The following TRPM8 variants were observed in gnomAD, a reference collection of about 807,000 sequenced individuals.
TRPM8 encodes the protein transient receptor potential cation channel subfamily M member 8.
A neutral mutation model predicts 133.7 loss-of-function variants in TRPM8; 110 were observed. That is an observed-to-expected ratio of 0.82 (90% CI 0.70 to 0.96). The LOEUF is 0.96. Among genes scored for constraint, TRPM8 ranks in the 40% least tolerant of loss-of-function variants. The pLI is 0.00. For missense variants in TRPM8, 1,291 were observed against 1,379.5 expected (o/e 0.94, Z 1.02); for synonymous variants, 535 against 532.3 (o/e 1.01, Z -0.07).
At position 233,996,496 on chromosome 2, in the gene TRPM8, A is replaced by G. The variant is rs377197483; in HGVS notation, c.3110A>G (p.Asn1037Ser). Residue 1037 changes from asparagine (N) to serine (S), a missense_variant, in exon 22 of 26, where the codon AAC (asparagine) becomes AGC (serine). Asn to Ser is a conservative substitution (Grantham distance 46, BLOSUM62 1). Around this residue, in one of 2 missense-constraint regions of TRPM8, gnomAD observed 328 missense variants for 410.6 expected, o/e 0.80. Coordinates refer to ENST00000324695, the MANE Select transcript of TRPM8 (RefSeq NM_024080.5). Reference protein sequence around the residue: ...KCFKCCCKEKNMESSVCCFKN... With the variant: ...KCFKCCCKEKSMESSVCCFKN... ...TTCAAGTGTTGCTGCAAGGAGAAAA[A>G]CATGGAGTCTTCTGTCTGCTGTGAG... is the stretch of plus-strand genomic sequence containing the variant. The G allele has an allele frequency of 6.2e-7, 1 of 1,614,048 alleles. No individual in the cohort carries two copies. The highest frequency in any genetic ancestry group is 8.5e-7 in the Non-Finnish European group (1 of 1,180,042).
At chr2:233,943,065 A>ATTT in intron 6 of TRPM8, 1 of 243,092 alleles carries the variant, frequency 4.1e-6, no homozygotes, top group Non-Finnish European at 7.1e-6. Context: ...CAACTGCAGT[A>ATTT]TCTTTTTTTT....
rs1157682971 is a variant in TRPM8 at position 233,974,236 on chromosome 2, TTTG to T, written c.2355+3816_2355+3818del. Among the ~76,000 whole-genome samples, 91 of 152,186 alleles carry T rather than the reference TTTG, an allele frequency of 6.0e-4. 1 individual carries two copies. Among genetic ancestry groups the T allele is most frequent in the African/African-American group, 2.1e-3 (87 of 41,532 alleles). On this transcript the variant is annotated intron_variant, in intron 17 of 25. Coordinates refer to ENST00000324695, the MANE Select transcript of TRPM8 (RefSeq NM_024080.5). Reference sequence around the variant, plus strand: ...CAAATTTTTTTTGTTTTTTAGTTTTTTTGTTGTTTTTTTTTGAGACTGTATCTT... The same window carrying T: ...CAAATTTTTTTTGTTTTTTAGTTTTTTTGTTTTTTTTTGAGACTGTATCTT...
intron 3 of TRPM8, among the ~76,000 whole-genome samples, chr2:233,934,202 A>G (rs1040257287): frequency 8.7e-4 from 132 of 152,220 alleles, no homozygotes; most frequent in African/African-American, 3.1e-3. Flanking sequence ...AGAAACGGTG[A>G]CTGATGAGGG....
At chr2:234,015,289 G>A (rs1015592205) in intron 25 of TRPM8, among the ~76,000 whole-genome samples, 1 of 151,066 alleles carries the variant, frequency 6.6e-6, no homozygotes, top group East Asian at 1.9e-4. Context: ...GAAACCAAAT[G>A]TTAGGAATGT....
intron 17 of TRPM8, among the ~76,000 whole-genome samples, chr2:233,975,370 C>A (rs147453193): frequency 6.6e-6 from 1 of 152,196 alleles, no homozygotes. Flanking sequence ...CACAGCCCCA[C>A]AGCCAGGAGC....
At chr2:233,974,720 C>T (rs1026423925) in intron 17 of TRPM8, among the ~76,000 whole-genome samples, 2 of 152,116 alleles carry the variant, frequency 1.3e-5, no homozygotes, top group African/African-American at 2.4e-5. Flanking sequence ...GCAGAGTTTG[C>T]TGGAAGAGGC....
At chr2:234,004,602 T>C (rs539447322) in intron 22 of TRPM8, among the ~76,000 whole-genome samples, 1 of 152,380 alleles carries the variant, frequency 6.6e-6, no homozygotes, top group East Asian at 1.9e-4. Flanking sequence ...TTTGGTACTT[T>C]TTTTGGTGAC....
chr2:233,941,889 T>G (rs1690912708), intron 5 of TRPM8, among the ~76,000 whole-genome samples: 2 of 152,052 alleles, frequency 1.3e-5, no homozygotes, highest in South Asian at 2.1e-4. Flanking sequence ...CCAACCAATA[T>G]GGGGGTCCAG....
chr2:233,972,765 C>G (rs886145146), intron 17 of TRPM8, among the ~76,000 whole-genome samples: 4 of 152,184 alleles, frequency 2.6e-5, no homozygotes, highest in African/African-American at 9.6e-5. Context: ...GCTCCCAGTG[C>G]GGGGCCCGCC....
Position 233,919,526 on chromosome 2 carries a change from C to T in TRPM8, c.-6+2094C>T, listed in dbSNP as rs558338701. ...TAGCTGTGTGACTTTGGGAAAGTTA[C>T]CTAACCTCTCTGTGCCTTGGTTTGT... On this transcript the variant is annotated intron_variant, in intron 1 of 25. Transcript: ENST00000324695. Among the ~76,000 whole-genome samples, 4 of 152,148 alleles carry T rather than the reference C, an allele frequency of 2.6e-5. No individual in the cohort carries two copies. The South Asian group carries it at 8.3e-4, about 32-fold the overall frequency.
chr2:234,012,367 C>T (rs1294609020), intron 24 of TRPM8, among the ~76,000 whole-genome samples: 1 of 151,890 alleles, frequency 6.6e-6, no homozygotes, highest in Admixed American at 6.6e-5. Context: ...AGGATGGTCT[C>T]CATCTCCTGA....
intron 25 of TRPM8, among the ~76,000 whole-genome samples, chr2:234,016,675 T>A (rs1360146051): frequency 6.6e-6 from 1 of 152,186 alleles, no homozygotes; most frequent in Non-Finnish European, 1.5e-5. Context: ...ATTGTCTATT[T>A]TTTTTCCTTC....
chr2:233,992,422 A>G (rs1332153149), intron 21 of TRPM8, among the ~76,000 whole-genome samples: 1 of 152,106 alleles, frequency 6.6e-6, no homozygotes, highest in African/African-American at 2.4e-5. Context: ...ATATTTAGTC[A>G]TCCTATTCCA....
intron 10 of TRPM8, among the ~76,000 whole-genome samples, chr2:233,954,794 T>C (rs1311230703): frequency 6.6e-6 from 1 of 152,212 alleles, no homozygotes; most frequent in Non-Finnish European, 1.5e-5. Context: ...GTTTCGTAGA[T>C]TTAGATGTAG....
intron 22 of TRPM8, among the ~76,000 whole-genome samples, chr2:234,004,218 T>C (rs1393826846): frequency 1.3e-5 from 2 of 152,202 alleles, no homozygotes; most frequent in African/African-American, 2.4e-5. Context: ...TCAGATAGTT[T>C]ATATTCTCGG....
At chr2:233,957,190 A>G (rs1298776672) in intron 11 of TRPM8, among the ~76,000 whole-genome samples, 3 of 152,168 alleles carry the variant, frequency 2.0e-5, no homozygotes, top group African/African-American at 7.2e-5. Flanking sequence ...AGTCATTATT[A>G]ATCAGTTATA....
intron 24 of TRPM8, among the ~76,000 whole-genome samples, chr2:234,012,037 T>C (rs1252347779): frequency 6.6e-6 from 1 of 152,134 alleles, no homozygotes; most frequent in Non-Finnish European, 1.5e-5. Context: ...TATTAATGGA[T>C]TGTTTTCATA....
At chr2:233,947,316 T>C (rs746417475) in intron 8 of TRPM8, 161 bp downstream of exon 8, 1 of 1,545,506 alleles carries the variant, frequency 6.5e-7, no homozygotes, top group South Asian at 1.2e-5. Context: ...AGACTCCGGT[T>C]ATTCCTCAGT....
At chr2:234,005,225 G>A (rs187814622) in intron 22 of TRPM8, among the ~76,000 whole-genome samples, 2 of 151,802 alleles carry the variant, frequency 1.3e-5, no homozygotes, top group African/African-American at 2.4e-5. Flanking sequence ...TGACAGATTT[G>A]CCCCCTCGTA....
Sources: allele counts gnomAD v4.1 joint callset (sites outside exome capture counted in the v4.1 genomes callset), GRCh38; gene constraint gnomAD v4.1.1; regional missense constraint gnomAD v4.1.1; transcripts MANE v1.5; gene names NCBI Gene and HGNC (gene_info 2026-07-23, HGNC 2026-07-21).